Variants in AKAP19 observed in about 807,000 individuals in gnomAD.
AKAP19 encodes A-kinase anchoring protein 19.
the AKAP19 span, among the ~76,000 whole-genome samples, chr2:190,147,235 A>G: frequency 3.9e-5 from 6 of 152,154 alleles, no homozygotes; most frequent in Non-Finnish European, 8.8e-5. Flanking sequence ...CAATTATCCT[A>G]GCACCATTTG....
At chr2:190,002,015 C>T in the AKAP19 span, among the ~76,000 whole-genome samples, 1 of 152,192 alleles carries the variant, frequency 6.6e-6, no homozygotes, top group Non-Finnish European at 1.5e-5. Context: ...TCAAGTGAGC[C>T]CTTTTTGGAG....
At chr2:190,060,009 A>G in the AKAP19 span, 10 of 1,558,088 alleles carry the variant, frequency 6.4e-6, no homozygotes, top group Non-Finnish European at 7.9e-6. Context: ...GTTTGTTCAT[A>G]TTATGAATAA....
At chr2:189,901,176 T>A in the AKAP19 span, among the ~76,000 whole-genome samples, 1 of 152,196 alleles carries the variant, frequency 6.6e-6, no homozygotes. Context: ...TGCATTGAAC[T>A]TGATGGTGGT....
At chr2:190,145,831 A>ATATG in the AKAP19 span, among the ~76,000 whole-genome samples, 136,190 of 148,216 alleles carry the variant, frequency 0.92, 63,303 homozygotes, top group East Asian at 1. Context: ...ATATATATGT[A>ATATG]TATGTATGTG....
the AKAP19 span, among the ~76,000 whole-genome samples, chr2:189,975,884 C>G: frequency 6.6e-6 from 1 of 152,122 alleles, no homozygotes; most frequent in South Asian, 2.1e-4. Context: ...AGCCATTCGT[C>G]TAATCTTTTT....
the AKAP19 span, among the ~76,000 whole-genome samples, chr2:190,113,006 GGAAATTTA>G: frequency 6.6e-6 from 1 of 151,718 alleles, no homozygotes; most frequent in Non-Finnish European, 1.5e-5. Flanking sequence ...TTTCACCTTG[GGAAATTTA>G]GAAATTTAGA....
chr2:189,967,198 T>C, the AKAP19 span, among the ~76,000 whole-genome samples: 2 of 152,180 alleles, frequency 1.3e-5, no homozygotes, highest in Non-Finnish European at 2.9e-5. Flanking sequence ...TGTGACCTGG[T>C]TTTCACCGTG....
the AKAP19 span, among the ~76,000 whole-genome samples, chr2:189,914,014 C>T: frequency 6.6e-6 from 1 of 152,126 alleles, no homozygotes; most frequent in South Asian, 2.1e-4. Flanking sequence ...CAAATTGGCA[C>T]TTTACACCTG....
the AKAP19 span, among the ~76,000 whole-genome samples, chr2:189,903,276 T>C: frequency 2.0e-5 from 3 of 151,972 alleles, no homozygotes; most frequent in Non-Finnish European, 4.4e-5. Flanking sequence ...CAAAATAATA[T>C]AAATAATATG....
At chr2:190,066,795 C>T in the AKAP19 span, among the ~76,000 whole-genome samples, 1 of 152,064 alleles carries the variant, frequency 6.6e-6, no homozygotes, top group African/African-American at 2.4e-5. Flanking sequence ...AGTTAGCAAA[C>T]CCTTCATTTA....
chr2:190,006,771 C>A, the AKAP19 span, among the ~76,000 whole-genome samples: 2 of 151,878 alleles, frequency 1.3e-5, no homozygotes, highest in Non-Finnish European at 2.9e-5. Context: ...GTAATCCCAG[C>A]ACTTTGGGAG....
At chr2:190,181,640 CTT>C in the AKAP19 span, among the ~76,000 whole-genome samples, 11 of 152,288 alleles carry the variant, frequency 7.2e-5, no homozygotes, top group Admixed American at 5.9e-4. Context: ...AGTTGTCTCT[CTT>C]GTCTCTGGTC....
chr2:190,179,722 T>TA, the AKAP19 span, among the ~76,000 whole-genome samples: 1 of 152,244 alleles, frequency 6.6e-6, no homozygotes, highest in Non-Finnish European at 1.5e-5. This position sits in a 1 kb window ranked among gnomAD's most constrained non-coding sequence, Gnocchi z 6.0. Context: ...TCTCAGTTTA[T>TA]AGATTGTTAG....
the AKAP19 span, among the ~76,000 whole-genome samples, chr2:189,975,626 T>C: frequency 4.6e-5 from 7 of 152,172 alleles, no homozygotes; most frequent in Non-Finnish European, 1.0e-4. Context: ...ACCAATCAGG[T>C]GTAGATTTGG....
the AKAP19 span, among the ~76,000 whole-genome samples, chr2:189,955,298 G>GT: frequency 3.5e-4 from 53 of 151,764 alleles, 2 homozygotes; most frequent in East Asian, 9.1e-3. Context: ...TTTTGTTTTT[G>GT]TTTTTTGTTT....
At chr2:189,974,773 G>C in the AKAP19 span, among the ~76,000 whole-genome samples, 1 of 152,148 alleles carries the variant, frequency 6.6e-6, no homozygotes, top group Non-Finnish European at 1.5e-5. Context: ...TTGGTTTAAA[G>C]TCTGTTTTAT....
chr2:190,033,157 A>G, the AKAP19 span, among the ~76,000 whole-genome samples: 3 of 152,222 alleles, frequency 2.0e-5, no homozygotes, highest in Non-Finnish European at 4.4e-5. Context: ...TGCCAGCAGC[A>G]AGACTTTAGC....
the AKAP19 span, among the ~76,000 whole-genome samples, chr2:189,963,417 G>A: frequency 2.1e-3 from 313 of 152,034 alleles, 1 homozygote; most frequent in Non-Finnish European, 3.2e-3. Flanking sequence ...GGATGGTCTC[G>A]ATCTCCTGAC....
At chr2:189,977,817 A>T in the AKAP19 span, among the ~76,000 whole-genome samples, 1 of 152,220 alleles carries the variant, frequency 6.6e-6, no homozygotes, top group Non-Finnish European at 1.5e-5. Flanking sequence ...ACATATTTAC[A>T]AAGTCCTTGA....
Sources: allele counts gnomAD v4.1 joint callset (sites outside exome capture counted in the v4.1 genomes callset), GRCh38; gene constraint gnomAD v4.1.1; non-coding constraint Gnocchi (gnomAD v3.1); transcripts MANE v1.5; gene names NCBI Gene and HGNC (gene_info 2026-07-23, HGNC 2026-07-21).